The following MS4A15 variants were observed in gnomAD, a reference collection of about 807,000 sequenced individuals.
MS4A15 encodes the protein membrane spanning 4-domains A15.
MS4A15 carries 22 observed loss-of-function variants against 20.6 expected under a neutral mutation model. The ratio of observed to expected loss-of-function variants is 1.07; its 90% CI spans 0.76 to 1.52. MS4A15 has a LOEUF of 1.52. Ranked by LOEUF, MS4A15 falls within the 40% of genes most tolerant of loss-of-function variation. The probability of loss-of-function intolerance (pLI) is 0.00; values close to 1 mark genes in which losing one functional copy is unlikely to be tolerated. For synonymous variants in MS4A15, 129 were observed against 129.3 expected, an observed-to-expected ratio of 1.00 and a Z score of 0.02; for missense variants, 312 against 323.0, an observed-to-expected ratio of 0.97 and a Z score of 0.26.
intron 1 of MS4A15, among the ~76,000 whole-genome samples, chr11:60,758,445 G>A (rs1288937621): frequency 6.6e-6 from 1 of 152,192 alleles, no homozygotes; most frequent in Non-Finnish European, 1.5e-5. Context: ...AGGATTGTCA[G>A]ACAGCAATAA....
chr11:60,775,184 G>A (rs756675044), intron 6 of MS4A15, among the ~76,000 whole-genome samples: 19 of 152,096 alleles, frequency 1.2e-4, no homozygotes, highest in Non-Finnish European at 2.8e-4. Context: ...GGGCATGGTG[G>A]CAGGCGCCTA....
intron 1 of MS4A15, among the ~76,000 whole-genome samples, chr11:60,762,943 T>TAA (rs1853784562): frequency 2.0e-5 from 3 of 152,144 alleles, no homozygotes; most frequent in Admixed American, 6.5e-5. Context: ...AGAGCTTTTA[T>TAA]AAGGTCATAG....
At chr11:60,773,528 G>T in intron 5 of MS4A15, 44 bp downstream of exon 5, 3 of 1,563,362 alleles carry the variant, frequency 1.9e-6, no homozygotes, top group Non-Finnish European at 2.6e-6. Context: ...CTTGGAAAAT[G>T]ATGCAGCCAT....
rs544440657 is a variant in MS4A15 at position 60,775,862 on chromosome 11, G to A, written c.*147G>A. 2 of 616,536 alleles carry A rather than the reference G, an allele frequency of 3.2e-6. No individual in the cohort carries two copies. Among genetic ancestry groups the A allele is most frequent in the South Asian group, 2.1e-5 (1 of 47,570 alleles). The allele number at this position is 616,536 out of a possible 1,614,324, so 38.2% of individuals were successfully genotyped here. A position where few individuals can be genotyped will look rare whatever the true frequency, so the allele number is the denominator to read the frequency against. On this transcript the variant is annotated 3_prime_UTR_variant, in exon 7 of 7. Transcript: ENST00000405633. Reference sequence around the variant, plus strand: ...ACACATACTCCGGCATCTGAGTGAAGTGTCCCCAGGGACATCTCTCCCACA... The same window carrying A: ...ACACATACTCCGGCATCTGAGTGAAATGTCCCCAGGGACATCTCTCCCACA...
At chr11:60,771,195 T>C in intron 3 of MS4A15, 96 bp from the exon 4 acceptor site, 1 of 1,426,552 alleles carries the variant, frequency 7.0e-7, no homozygotes, top group Non-Finnish European at 9.7e-7. Context: ...CAGGAGGCTG[T>C]TGTCTCTCCC....
chr11:60,772,277 G>T (rs936178131), intron 4 of MS4A15, among the ~76,000 whole-genome samples: 3 of 152,208 alleles, frequency 2.0e-5, no homozygotes, highest in Non-Finnish European at 2.9e-5. Context: ...TAAATGCCAA[G>T]TTCAGGATTT....
At chr11:60,759,992 C>T (rs1346351130) in intron 1 of MS4A15, among the ~76,000 whole-genome samples, 2 of 152,062 alleles carry the variant, frequency 1.3e-5, no homozygotes, top group Non-Finnish European at 2.9e-5. Flanking sequence ...CTGAGTGTGC[C>T]GGACCCCTGG....
intron 2 of MS4A15, among the ~76,000 whole-genome samples, chr11:60,764,724 C>T (rs906445510): frequency 3.3e-5 from 5 of 152,120 alleles, no homozygotes; most frequent in African/African-American, 1.2e-4. Flanking sequence ...ACCTGGCCAA[C>T]ATGGTGAAAC....
Position 60,775,894 on chromosome 11 carries a change from C to G in MS4A15, c.*179C>G, listed in dbSNP as rs17628721. 201,317 of 520,972 alleles carry G rather than the reference C, an allele frequency of 0.39. 41,982 individuals carry two copies. The highest frequency in any genetic ancestry group is 0.45 in the Non-Finnish European group (131,919 of 292,802). The allele number at this position is 520,972 out of a possible 1,614,324, so 32.3% of individuals were successfully genotyped here. On this transcript the variant is annotated 3_prime_UTR_variant, in exon 7 of 7. Coordinates refer to ENST00000405633, the MANE Select transcript of MS4A15 (RefSeq NM_001098835.2). ...CAGGGACATCTCTCCCACACTTTCC[C>G]CAGTGCTTTCTTTCTAAAAGACACC...
intron 2 of MS4A15, among the ~76,000 whole-genome samples, chr11:60,764,180 G>GT (rs1206977871): frequency 6.6e-6 from 1 of 152,212 alleles, no homozygotes; most frequent in Non-Finnish European, 1.5e-5. Flanking sequence ...GAAAAGTAAG[G>GT]TTGAAAATGA....
At position 60,771,296 on chromosome 11, in the gene MS4A15, C is replaced by A; in HGVS notation, c.354C>A (p.Ile118=). 1 of 1,614,018 alleles carries A rather than the reference C, an allele frequency of 6.2e-7. No individual in the cohort carries two copies. Among genetic ancestry groups the A allele is most frequent in the Middle Eastern group, 1.7e-4 (1 of 5,944 alleles). ...GVPFWGGACF[I]ISGSLSVAAE... ...GGTCCCCTCTCCCCATACAGTTCAT[C>A]ATCTCCGGATCCCTCTCAGTGGCAG... Residue 118 remains isoleucine (I), a synonymous_variant, in exon 4 of 7, where the codon ATC becomes ATA. Transcript: ENST00000405633.
chr11:60,775,384 C>T (rs1207354182), intron 6 of MS4A15, among the ~76,000 whole-genome samples: 2 of 152,108 alleles, frequency 1.3e-5, no homozygotes, highest in Admixed American at 6.5e-5. Flanking sequence ...GGACTTTTGT[C>T]TGTTTTGTTC....
At chr11:60,768,049 C>A (rs1046115190) in intron 3 of MS4A15, among the ~76,000 whole-genome samples, 1 of 151,900 alleles carries the variant, frequency 6.6e-6, no homozygotes, top group Non-Finnish European at 1.5e-5. Flanking sequence ...AAAAATTAGC[C>A]GGGCACGGTG....
At chr11:60,774,672 T>G (rs1398256393) in intron 6 of MS4A15, among the ~76,000 whole-genome samples, 3 of 152,040 alleles carry the variant, frequency 2.0e-5, no homozygotes, top group Non-Finnish European at 4.4e-5. Flanking sequence ...GAAATTAAGC[T>G]TTGATTTCCA....
At chr11:60,764,766 G>C (rs953137501) in intron 2 of MS4A15, among the ~76,000 whole-genome samples, 1 of 152,118 alleles carries the variant, frequency 6.6e-6, no homozygotes, top group Non-Finnish European at 1.5e-5. Context: ...AAAATTAGCT[G>C]GGTGTGGAGC....
At chr11:60,764,924 A>C (rs1853844807) in intron 2 of MS4A15, among the ~76,000 whole-genome samples, 1 of 152,184 alleles carries the variant, frequency 6.6e-6, no homozygotes, top group South Asian at 2.1e-4. Context: ...AAAAAGAAAA[A>C]GAAAAGCTTT....
At chr11:60,757,771 G>C (rs1350491019) in intron 1 of MS4A15, among the ~76,000 whole-genome samples, 1 of 152,162 alleles carries the variant, frequency 6.6e-6, no homozygotes, top group South Asian at 2.1e-4. Flanking sequence ...TATATGATCG[G>C]GTGGCCGTGT....
In MS4A15 at chr11:60,765,376, T is replaced by G. The variant is rs140343402; in HGVS notation, c.225+1418T>G. ...TTCAGTATGTTCCTTGGCCTCAGTT[T>G]CTCCAAGTAGAAGATGAAAGCATAG... On this transcript the variant is annotated intron_variant, in intron 2 of 6. Coordinates refer to ENST00000405633, the MANE Select transcript of MS4A15 (RefSeq NM_001098835.2). Among the ~76,000 whole-genome samples the G allele has an allele frequency of 3.6e-3, 541 of 152,060 alleles. 2 individuals carry two copies. The highest frequency in any genetic ancestry group is 4.2e-3 in the Non-Finnish European group (285 of 67,998).
chr11:60,763,078 CG>C (rs1853789628), intron 1 of MS4A15, among the ~76,000 whole-genome samples: 1 of 152,140 alleles, frequency 6.6e-6, no homozygotes, highest in African/African-American at 2.4e-5. Flanking sequence ...CACCCCCGCT[CG>C]AGGCCCACTC....
Sources: gnomAD v4.1 joint callset for allele counts (sites outside exome capture counted in the v4.1 genomes callset) on GRCh38, gnomAD v4.1.1 for gene constraint, MANE v1.5 for transcripts, NCBI Gene and HGNC (gene_info 2026-07-23, HGNC 2026-07-21) for gene names.